Variants in MARF1 observed in about 807,000 individuals in gnomAD.
The protein encoded by MARF1 is meiosis regulator and mRNA stability factor 1, also known as limkain-b1.
A neutral mutation model predicts 168.2 loss-of-function variants in MARF1; 24 were observed. The observed-to-expected ratio is 0.14, with a 90% CI of 0.10 to 0.20. The LOEUF (loss-of-function observed/expected upper bound fraction) is 0.20, where lower values mean the gene tolerates loss of function less well. Among genes scored for constraint, MARF1 ranks in the 10% least tolerant of loss-of-function variants. The pLI, the probability that MARF1 is intolerant of heterozygous loss-of-function variation, is 1.00. For synonymous variants in MARF1, 868 were observed against 822.4 expected (o/e 1.06, Z -0.95); for missense variants, 1,744 against 2,143.6 (o/e 0.81, Z 3.68).
chr16:15,631,709 T>A (rs900873115), intron 5 of MARF1, among the ~76,000 whole-genome samples: 1 of 152,138 alleles, frequency 6.6e-6, no homozygotes, highest in African/African-American at 2.4e-5. Context: ...TGCCCCCACA[T>A]GTATTAGGTA....
intron 20 of MARF1, among the ~76,000 whole-genome samples, chr16:15,609,054 C>T (rs545885268): frequency 2.6e-5 from 4 of 152,270 alleles, no homozygotes; most frequent in East Asian, 1.9e-4. Flanking sequence ...GCCTGGCCAA[C>T]GTGGTGAAAC....
At chr16:15,621,512 C>T (rs1051272738) in intron 12 of MARF1, 3 of 536,418 alleles carry the variant, frequency 5.6e-6, no homozygotes, top group African/African-American at 3.9e-5. Context: ...TTATTTTACT[C>T]CCAAGTGCCT....
Position 15,617,404 on chromosome 16 carries a change from G to A in MARF1, c.2852C>T (p.Ser951Phe), listed in dbSNP as rs2034142297. Residue 951 changes from serine to phenylalanine, a missense_variant, in exon 14 of 27, where the codon TCC becomes TTC. Transcript: ENST00000396368. ...CGTGGAGGAGCCGTCGTGTGACTGG[G>A]AAGACCCCAAGGGGCTCTGGCGGGC... ...SQARQSPLGSSQSHDGSSTNC... is the reference protein window; with the variant it reads ...SQARQSPLGSFQSHDGSSTNC... 1.2e-6 allele frequency: 2 copies of A among 1,614,130 alleles called. No homozygotes were observed. Among genetic ancestry groups the A allele is most frequent in the Non-Finnish European group, 1.7e-6 (2 of 1,180,022 alleles).
At position 15,617,525 on chromosome 16, in the gene MARF1, T is replaced by C. The variant is rs763980390; in HGVS notation, c.2731A>G (p.Lys911Glu). 3 of 1,609,362 alleles carry C rather than the reference T, an allele frequency of 1.9e-6. No individual in the cohort carries two copies. The highest frequency in any genetic ancestry group is 1.7e-6 in the Non-Finnish European group (2 of 1,177,502). Residue 911 changes from lysine to glutamate, a missense_variant, in exon 14 of 27, where the codon AAG (lysine) becomes GAG (glutamate). By Grantham distance (56) the Lys-to-Glu change is moderately conservative. Transcript: ENST00000396368. The stretch of plus-strand genomic sequence containing the variant: ...TTATATAGATCTGACACATTCAACT[T>C]GTGTCCAAACCTAAAAGCAAGAGAA... ...TDIYEKKFGH[K>E]LNVSDLYKLT...
chr16:15,635,815 G>A lies in MARF1; in HGVS notation c.672C>T (p.Phe224=). 2 of 1,614,222 alleles carry A rather than the reference G, an allele frequency of 1.2e-6. No individual in the cohort carries two copies. Among genetic ancestry groups the A allele is most frequent in the African/African-American group, 2.7e-5 (2 of 75,060 alleles). The change falls in exon 3 of 27, where the codon TTC becomes TTT. Residue 224 remains phenylalanine, a synonymous_variant. Coordinates refer to ENST00000396368, the MANE Select transcript of MARF1 (RefSeq NM_014647.4). Reference sequence around the variant, plus strand: ...CCCCGCTTGTGAAATCAGAACAGGGGAAATAGCCAGCGGAGGTGCAGCCCT... The same window carrying A: ...CCCCGCTTGTGAAATCAGAACAGGGAAAATAGCCAGCGGAGGTGCAGCCCT... ...SLQGCTSAGY[F]PCSDFTSGAP...
At chr16:15,630,142 A>C in intron 7 of MARF1, 190 bp downstream of exon 7, 1 of 429,004 alleles carries the variant, frequency 2.3e-6, no homozygotes, top group East Asian at 3.5e-5. Context: ...ATAAAAGCAA[A>C]CTTCATACAT....
chr16:15,635,124 C>G, intron 3 of MARF1, 193 bp from the exon 4 acceptor site: 1 of 543,240 alleles, frequency 1.8e-6, no homozygotes, highest in South Asian at 2.9e-5. Flanking sequence ...CCAGAAGTGA[C>G]TTGACATGAT....
intron 26 of MARF1, among the ~76,000 whole-genome samples, chr16:15,598,218 T>C (rs2031963219): frequency 6.6e-6 from 1 of 152,162 alleles, no homozygotes; most frequent in Admixed American, 6.5e-5. Context: ...ACTGCCTCTC[T>C]AGTGACGGCA....
rs771158564 is a variant in MARF1, at chr16:15,625,152, T to C, written c.1975A>G (p.Lys659Glu). Residue 659 changes from lysine (K) to glutamate (E), a missense_variant, in exon 9 of 27, where the codon AAA (lysine) becomes GAA (glutamate). Transcript: ENST00000396368. ...TGCTCACTGTTTCTATGACCAGTTT[T>C]TGACTCCATGCGGCACAGCTCCTTC... ...SLQELCRMES[K>E]TGHRNSEHQQ... 6.2e-7 allele frequency: 1 copy of C among 1,614,164 alleles called. No homozygotes were observed. The highest frequency in any genetic ancestry group is 8.5e-7 in the Non-Finnish European group (1 of 1,180,036).
chr16:15,627,021 A>AAGAGAG (rs61380767), intron 7 of MARF1, among the ~76,000 whole-genome samples: 1 of 149,924 alleles, frequency 6.7e-6, no homozygotes, highest in Admixed American at 6.6e-5. Context: ...AAAGAAAGAA[A>AAGAGAG]AGAGAGAGAG....
chr16:15,626,757 G>A (rs1158945588), intron 7 of MARF1, among the ~76,000 whole-genome samples: 1 of 151,682 alleles, frequency 6.6e-6, no homozygotes, highest in Admixed American at 6.6e-5. Flanking sequence ...GTCAAGAGTT[G>A]GCGACCAGCC....
At chr16:15,618,706 C>A (rs755164498) in intron 13 of MARF1, among the ~76,000 whole-genome samples, 1 of 152,122 alleles carries the variant, frequency 6.6e-6, no homozygotes, top group Non-Finnish European at 1.5e-5. Flanking sequence ...CTGTCCCAAT[C>A]GTCTTAAAGG....
intron 7 of MARF1, among the ~76,000 whole-genome samples, chr16:15,627,599 C>T (rs1270642214): frequency 1.3e-5 from 2 of 152,064 alleles, no homozygotes; most frequent in African/African-American, 4.8e-5. Flanking sequence ...GCCTGGGTGA[C>T]AGAGTCTCAA....
At chr16:15,599,132 A>C in intron 25 of MARF1, 108 bp from the exon 26 acceptor site, 1 of 713,026 alleles carries the variant, frequency 1.4e-6, no homozygotes, top group Non-Finnish European at 2.4e-6. Flanking sequence ...AAGATAAGAG[A>C]GTCAAGAAGT....
chr16:15,599,851 T>C (rs2032223217), intron 25 of MARF1, among the ~76,000 whole-genome samples: 1 of 152,176 alleles, frequency 6.6e-6, no homozygotes, highest in African/African-American at 2.4e-5. Flanking sequence ...TGAGCCCTCT[T>C]CCGGATCAGG....
At chr16:15,641,359 C>G (rs2035940423) in intron 1 of MARF1, among the ~76,000 whole-genome samples, 1 of 152,100 alleles carries the variant, frequency 6.6e-6, no homozygotes, top group African/African-American at 2.4e-5. Flanking sequence ...TCTTGTCTTT[C>G]CTATTAGATA....
chr16:15,613,864 T>C (rs756993461), intron 16 of MARF1, among the ~76,000 whole-genome samples: 28 of 151,988 alleles, frequency 1.8e-4, no homozygotes, highest in Non-Finnish European at 3.2e-4. Flanking sequence ...TCAGAAAGAA[T>C]TCCTTGGTTA....
rs2034117176 is a variant in MARF1 at position 15,617,132 on chromosome 16, A to G, written c.2997T>C (p.Phe999=). 9.9e-6 allele frequency: 16 copies of G among 1,614,198 alleles called. No homozygotes were observed. The East Asian group carries it at 3.3e-4, about 34-fold the overall frequency. Residue 999 remains phenylalanine (F), a synonymous_variant, in exon 15 of 27, where the codon TTT becomes TTC. Transcript: ENST00000396368. The part of the protein sequence containing the change: ...EFDPDSYKIP[F]VILSLKTFAP... ...CAAATGTCTTCAAAGAAAGAATCAC[A>G]AAAGGAATCTTGTAAGAGTCTGGAT...
intron 22 of MARF1, 78 bp downstream of exon 22, chr16:15,604,090 T>C: frequency 8.8e-7 from 1 of 1,134,588 alleles, no homozygotes; most frequent in Non-Finnish European, 1.3e-6. Flanking sequence ...CACACTCTAA[T>C]CTAGACCATC....
Sources: allele counts gnomAD v4.1 joint callset (sites outside exome capture counted in the v4.1 genomes callset), GRCh38; gene constraint gnomAD v4.1.1; transcripts MANE v1.5; gene names NCBI Gene and HGNC (gene_info 2026-07-23, HGNC 2026-07-21).